Variants in KIAA1328 observed in about 807,000 individuals in gnomAD.
KIAA1328 encodes KIAA1328, also known as protein hinderin.
KIAA1328 carries 52 observed loss-of-function variants against 68.1 expected under a neutral mutation model. The ratio of observed to expected loss-of-function variants is 0.76; its 90% CI spans 0.61 to 0.96. The LOEUF (loss-of-function observed/expected upper bound fraction) is 0.96. Ranked by LOEUF, KIAA1328 falls within the 40% of genes least tolerant of loss-of-function variation. KIAA1328 has a pLI of 0.00. For synonymous variants in KIAA1328, 232 were observed against 239.4 expected (o/e 0.97, Z 0.28); for missense variants, 641 against 677.6 (o/e 0.95, Z 0.60).
intron 4 of KIAA1328, among the ~76,000 whole-genome samples, chr18:36,850,266 T>A (rs2047169165): frequency 6.6e-6 from 1 of 152,080 alleles, no homozygotes; most frequent in African/African-American, 2.4e-5. Flanking sequence ...ATGGTTTTCT[T>A]AGTATCCTTT....
At chr18:37,122,445 T>C (rs542709372) in intron 7 of KIAA1328, among the ~76,000 whole-genome samples, 1 of 152,034 alleles carries the variant, frequency 6.6e-6, no homozygotes, top group East Asian at 2.0e-4. Flanking sequence ...TTTTGTTAAG[T>C]CAAGTAAGTC....
At chr18:36,993,608 C>G (rs987426421) in intron 6 of KIAA1328, among the ~76,000 whole-genome samples, 5 of 151,686 alleles carry the variant, frequency 3.3e-5, no homozygotes, top group African/African-American at 1.2e-4. Context: ...TATTTAAGAA[C>G]TAAAGATAAA....
chr18:36,830,902 A>G (rs143109322), intron 1 of KIAA1328, among the ~76,000 whole-genome samples: 9 of 152,360 alleles, frequency 5.9e-5, no homozygotes, highest in African/African-American at 2.2e-4. Context: ...TTCCCCTCAG[A>G]CTATTCCACG....
chr18:36,923,257 A>G (rs1197911249), intron 5 of KIAA1328, among the ~76,000 whole-genome samples: 4 of 152,300 alleles, frequency 2.6e-5, no homozygotes, highest in Middle Eastern at 6.8e-3. Context: ...ACCTTAAACT[A>G]GTAAAAGCAA....
chr18:36,954,687 C>CTTTTTTTTTTTTTTTTTTTTT (rs35883053), intron 5 of KIAA1328, among the ~76,000 whole-genome samples: 2 of 121,074 alleles, frequency 1.7e-5, no homozygotes, highest in Non-Finnish European at 1.8e-5. Context: ...AAAGACTTCA[C>CTTTTTTTTTTTTTTTTTTTTT]TTTTTTTTTT....
intron 9 of KIAA1328, among the ~76,000 whole-genome samples, chr18:37,178,424 T>G (rs1244225895): frequency 6.6e-6 from 1 of 152,218 alleles, no homozygotes; most frequent in East Asian, 1.9e-4. Flanking sequence ...GATTTCATTC[T>G]TATTTATGGC....
At chr18:37,135,134 C>A (rs1002541023) in intron 7 of KIAA1328, among the ~76,000 whole-genome samples, 12 of 152,254 alleles carry the variant, frequency 7.9e-5, no homozygotes, top group Middle Eastern at 3.4e-3. Flanking sequence ...CATGCCTTCG[C>A]TATTGTGAAT....
chr18:36,838,052 A>C (rs1201754076), intron 3 of KIAA1328, among the ~76,000 whole-genome samples: 1 of 152,150 alleles, frequency 6.6e-6, no homozygotes, highest in Non-Finnish European at 1.5e-5. Context: ...AGAATCAGCA[A>C]ATGTTTTATA....
chr18:36,917,322 A>C, intron 5 of KIAA1328, among the ~76,000 whole-genome samples: 1 of 151,956 alleles, frequency 6.6e-6, no homozygotes, highest in East Asian at 1.9e-4. Flanking sequence ...AGCTCAAGCA[A>C]TCCTCCTTCC....
At position 36,959,194 on chromosome 18, in the gene KIAA1328, C is replaced by T. The variant is rs1233107931; in HGVS notation, c.449-114C>T. The T allele has an allele frequency of 5.9e-6, 6 of 1,009,596 alleles. No individual in the cohort carries two copies. In the African/African-American group the frequency reaches 1.0e-4, roughly 17 times the overall value. 62.5% of individuals were successfully genotyped at this position (1,009,596 alleles called of 1,614,324 possible). On this transcript the variant is annotated intron_variant, in intron 5 of 9. Transcript: ENST00000280020. The stretch of plus-strand genomic sequence containing the variant: ...GAAGACTTTATACTTATGACTCTCG[C>T]CAAATATGATTGCATTTCTGGTTCT...
chr18:36,877,916 C>T (rs554704018), intron 4 of KIAA1328, among the ~76,000 whole-genome samples: 1 of 152,150 alleles, frequency 6.6e-6, no homozygotes, highest in Admixed American at 6.5e-5. Context: ...ATCCACCCAC[C>T]TCGGCCTCCC....
chr18:37,208,952 G>A (rs1222943059), intron 9 of KIAA1328, among the ~76,000 whole-genome samples: 1 of 152,174 alleles, frequency 6.6e-6, no homozygotes, highest in Non-Finnish European at 1.5e-5. Flanking sequence ...TTGGCTGAAG[G>A]AACAAGAGAC....
At chr18:37,073,037 G>A (rs1244514595) in intron 7 of KIAA1328, among the ~76,000 whole-genome samples, 1 of 151,814 alleles carries the variant, frequency 6.6e-6, no homozygotes, top group Non-Finnish European at 1.5e-5. Flanking sequence ...AAGACTTAAT[G>A]TAAAACCCAA....
intron 5 of KIAA1328, chr18:36,955,673 G>A (rs891188147): frequency 1.3e-5 from 2 of 152,018 alleles, no homozygotes; most frequent in Non-Finnish European, 2.9e-5. Flanking sequence ...GCATTTTACA[G>A]CACAACAAGA....
At chr18:37,201,757 T>C (rs2060118782) in intron 9 of KIAA1328, among the ~76,000 whole-genome samples, 1 of 152,216 alleles carries the variant, frequency 6.6e-6, no homozygotes, top group African/African-American at 2.4e-5. Flanking sequence ...AGGTGAACTC[T>C]TCTTGAGGTC....
At chr18:36,839,272 C>G (rs2046781801) in intron 3 of KIAA1328, among the ~76,000 whole-genome samples, 1 of 152,020 alleles carries the variant, frequency 6.6e-6, no homozygotes, top group African/African-American at 2.4e-5. Flanking sequence ...TTTTGTTTAT[C>G]CTTGGATAGT....
At chr18:37,056,738 C>T (rs907849567) in intron 6 of KIAA1328, among the ~76,000 whole-genome samples, 27 of 150,962 alleles carry the variant, frequency 1.8e-4, no homozygotes, top group Admixed American at 1.8e-3. Context: ...GCAACCTCTG[C>T]CTCCTGGGTT....
intron 6 of KIAA1328, among the ~76,000 whole-genome samples, chr18:36,988,793 A>G (rs2053050681): frequency 9.9e-6 from 1 of 100,572 alleles, no homozygotes; most frequent in South Asian, 4.3e-4. Context: ...GTATCATCCT[A>G]TACATATAAT....
intron 5 of KIAA1328, among the ~76,000 whole-genome samples, chr18:36,903,181 T>C (rs569367805): frequency 6.6e-6 from 1 of 152,260 alleles, no homozygotes; most frequent in South Asian, 2.1e-4. Context: ...ATTCATGTTT[T>C]TCATTTAATC....
Sources: gnomAD v4.1 joint callset for allele counts (sites outside exome capture counted in the v4.1 genomes callset) on GRCh38, gnomAD v4.1.1 for gene constraint, MANE v1.5 for transcripts, NCBI Gene and HGNC (gene_info 2026-07-23, HGNC 2026-07-21) for gene names.